The following HACD3 variants were observed in gnomAD, a reference collection of about 807,000 sequenced individuals.
HACD3 encodes very-long-chain (3R)-3-hydroxyacyl-CoA dehydratase 3.
A neutral mutation model predicts 55.2 loss-of-function variants in HACD3; 30 were observed. The ratio of observed to expected loss-of-function variants is 0.54; its 90% CI spans 0.41 to 0.74. HACD3 has a LOEUF of 0.74. HACD3 is among the 30% of genes least tolerant of loss of function. The pLI, the probability that HACD3 is intolerant of heterozygous loss-of-function variation, is 0.00. For synonymous variants in HACD3, 141 were observed against 151.7 expected, an observed-to-expected ratio of 0.93 and a Z score of 0.52; for missense variants, 363 against 440.1, an observed-to-expected ratio of 0.82 and a Z score of 1.57.
chr15:65,530,496 T>G lies in HACD3; in HGVS notation c.-136T>G. 1 of 683,744 alleles carries G rather than the reference T, an allele frequency of 1.5e-6. No homozygotes were observed. The highest frequency in any genetic ancestry group is 2.3e-6 in the Non-Finnish European group (1 of 441,370). The allele number at this position is 683,744 out of a possible 1,614,324, so 42.4% of individuals were successfully genotyped here. The stretch of plus-strand genomic sequence containing the variant: ...GCAGGCGCGGCCCGCGAGCGTGGGG[T>G]ATCTCGAGGTGCCGGGTTGCAGGCG... On this transcript the variant is annotated 5_prime_UTR_variant, in exon 1 of 11. Transcript: ENST00000261875.
chr15:65,546,569 A>T (rs949845728), intron 1 of HACD3, among the ~76,000 whole-genome samples: 44 of 152,302 alleles, frequency 2.9e-4, no homozygotes, highest in East Asian at 5.8e-4. Context: ...GGTAGAAGGT[A>T]TATGAGTTTT....
chr15:65,535,834 G>T, intron 1 of HACD3: 1 of 606,904 alleles, frequency 1.6e-6, no homozygotes. Context: ...TAGGACTACA[G>T]GTACCTGCCT....
chr15:65,573,607 C>A (rs149719903), intron 10 of HACD3, among the ~76,000 whole-genome samples: 354 of 144,110 alleles, frequency 2.5e-3, no homozygotes, highest in Middle Eastern at 7.4e-3. Context: ...GACTCTGTCT[C>A]AAAAAAAAAA....
chr15:65,569,537 C>T (rs539630711), intron 7 of HACD3, among the ~76,000 whole-genome samples: 3 of 152,084 alleles, frequency 2.0e-5, no homozygotes, highest in South Asian at 2.1e-4. Flanking sequence ...AGTGAGACCC[C>T]GTCTCTACAA....
intron 3 of HACD3, among the ~76,000 whole-genome samples, chr15:65,555,270 T>C (rs939961663): frequency 1.3e-5 from 2 of 152,230 alleles, no homozygotes; most frequent in Non-Finnish European, 2.9e-5. Context: ...AGCTCTGATA[T>C]TCTCTGGTTT....
intron 1 of HACD3, among the ~76,000 whole-genome samples, chr15:65,543,683 A>G (rs1485147817): frequency 1.3e-5 from 2 of 152,178 alleles, no homozygotes; most frequent in African/African-American, 4.8e-5. Context: ...CAACCAAAGA[A>G]ACTATGCCTC....
At chr15:65,564,078 T>G in intron 6 of HACD3, 137 bp from the exon 7 acceptor site, 1 of 1,116,458 alleles carries the variant, frequency 9.0e-7, no homozygotes, top group African/African-American at 1.6e-5. Context: ...CTTAGTTAAG[T>G]AAGAAACTTG....
intron 1 of HACD3, among the ~76,000 whole-genome samples, chr15:65,539,174 A>C (rs1382923693): frequency 2.7e-5 from 4 of 145,932 alleles, no homozygotes; most frequent in Non-Finnish European, 4.5e-5. Flanking sequence ...AAAGCCTGAC[A>C]TGACCAAGTG....
At chr15:65,568,184 A>C (rs2072311558) in intron 7 of HACD3, among the ~76,000 whole-genome samples, 1 of 151,750 alleles carries the variant, frequency 6.6e-6, no homozygotes, top group African/African-American at 2.4e-5. Flanking sequence ...GGCCTTCCAA[A>C]GTGCTGGGAT....
At chr15:65,574,960 G>A (rs2072386606) in intron 10 of HACD3, among the ~76,000 whole-genome samples, 1 of 152,152 alleles carries the variant, frequency 6.6e-6, no homozygotes, top group South Asian at 2.1e-4. Context: ...ACAGGGTAGA[G>A]GGGTAGAAAT....
chr15:65,550,998 G>A (rs2072126635), intron 1 of HACD3: 4 of 152,256 alleles, frequency 2.6e-5, no homozygotes, highest in Admixed American at 2.6e-4. Flanking sequence ...CCTCTCCCGA[G>A]TCTTGTTTCC....
intron 1 of HACD3, among the ~76,000 whole-genome samples, chr15:65,541,007 C>G (rs2072014248): frequency 6.6e-6 from 1 of 152,028 alleles, no homozygotes; most frequent in Non-Finnish European, 1.5e-5. Context: ...AATGACTAGT[C>G]TTAAGATTTT....
At chr15:65,549,262 T>G (rs2072107337) in intron 1 of HACD3, among the ~76,000 whole-genome samples, 1 of 152,036 alleles carries the variant, frequency 6.6e-6, no homozygotes, top group African/African-American at 2.4e-5. Flanking sequence ...ACTTTGGTTT[T>G]GACAGCCCAA....
chr15:65,563,982 A>G (rs1450370248), intron 6 of HACD3, among the ~76,000 whole-genome samples: 1 of 151,438 alleles, frequency 6.6e-6, no homozygotes, highest in Non-Finnish European at 1.5e-5. Flanking sequence ...AAAAAAAAAG[A>G]GAAAGGCATA....
intron 6 of HACD3, among the ~76,000 whole-genome samples, chr15:65,563,323 G>A (rs1596215791): frequency 6.6e-6 from 1 of 152,126 alleles, no homozygotes; most frequent in African/African-American, 2.4e-5. Context: ...AAAGATATTA[G>A]TTCTTCTTAA....
At chr15:65,533,571 G>C (rs1395463197) in intron 1 of HACD3, among the ~76,000 whole-genome samples, 1 of 152,024 alleles carries the variant, frequency 6.6e-6, no homozygotes, top group Admixed American at 6.5e-5. Flanking sequence ...CCTTGTCTGA[G>C]GTTGGTATTC....
At chr15:65,542,709 C>A (rs769162813) in intron 1 of HACD3, among the ~76,000 whole-genome samples, 60 of 152,024 alleles carry the variant, frequency 3.9e-4, no homozygotes, top group Admixed American at 2.6e-3. Flanking sequence ...AGCAAGACTT[C>A]TGAGGAAATC....
At chr15:65,565,993 C>G (rs1353175222) in intron 7 of HACD3, 1 of 152,190 alleles carries the variant, frequency 6.6e-6, no homozygotes, top group Non-Finnish European at 1.5e-5. Flanking sequence ...GTTCAGAGTT[C>G]TACAGATCTC....
intron 9 of HACD3, among the ~76,000 whole-genome samples, chr15:65,571,927 G>GA (rs1251223017): frequency 6.6e-6 from 1 of 152,156 alleles, no homozygotes; most frequent in African/African-American, 2.4e-5. Flanking sequence ...GGTTCTTACT[G>GA]ATGACTTTAT....
Sources: allele counts gnomAD v4.1 joint callset (sites outside exome capture counted in the v4.1 genomes callset), GRCh38; gene constraint gnomAD v4.1.1; transcripts MANE v1.5; gene names NCBI Gene and HGNC (gene_info 2026-07-23, HGNC 2026-07-21).